The following SPATA6 variants were observed in gnomAD, a reference collection of about 807,000 sequenced individuals.
SPATA6 encodes the protein spermatogenesis-associated protein 6.
In SPATA6, 56 loss-of-function variants were observed where a neutral mutation model predicts 65.3. The ratio of observed to expected loss-of-function variants is 0.86; its 90% confidence interval spans 0.69 to 1.07. SPATA6 has a LOEUF of 1.07. Ranked by LOEUF, SPATA6 falls within the 50% of genes least tolerant of loss-of-function variation. SPATA6 has a pLI of 0.00. For missense variants in SPATA6, 590 were observed against 594.8 expected, an observed-to-expected ratio of 0.99 and a Z score of 0.08; for synonymous variants, 199 against 213.2, an observed-to-expected ratio of 0.93 and a Z score of 0.58.
intron 3 of SPATA6, among the ~76,000 whole-genome samples, chr1:48,420,141 T>C (rs770687219): frequency 7.9e-5 from 12 of 152,126 alleles, no homozygotes; most frequent in East Asian, 3.9e-4. Context: ...ATCATGCCTA[T>C]GTAATGATGC....
the SPATA6 span, among the ~76,000 whole-genome samples, chr1:48,290,208 GA>G: frequency 6.6e-6 from 1 of 152,158 alleles, no homozygotes; most frequent in Non-Finnish European, 1.5e-5. Flanking sequence ...CATTCTTAAA[GA>G]AAAGAATTTT....
rs193156439 is a variant in SPATA6, at chr1:48,308,832, G to A, written c.1195-2954C>T. ...TTATTGAGGAACACATTTATGTGAT[G>A]AATTCCTTCTCCCTTGCTGCTTTTA... On this transcript the variant is annotated intron_variant, in intron 11 of 12. Coordinates refer to ENST00000371847, the MANE Select transcript of SPATA6 (RefSeq NM_019073.4). Among the ~76,000 whole-genome samples, 410 of 152,176 alleles carry A rather than the reference G, an allele frequency of 2.7e-3. 1 individual carries two copies. The highest frequency in any genetic ancestry group is 6.9e-3 in the Admixed American group (106 of 15,268).
chr1:48,357,119 T>A (rs962365764), intron 10 of SPATA6, among the ~76,000 whole-genome samples: 1 of 152,178 alleles, frequency 6.6e-6, no homozygotes, highest in Non-Finnish European at 1.5e-5. Flanking sequence ...TGCTTGCCAG[T>A]CTAATTTCAT....
At chr1:48,453,666 T>C (rs1656777391) in intron 1 of SPATA6, among the ~76,000 whole-genome samples, 1 of 152,214 alleles carries the variant, frequency 6.6e-6, no homozygotes, top group Non-Finnish European at 1.5e-5. Context: ...TACTTTTTAC[T>C]TTAACTTATT....
intron 11 of SPATA6, among the ~76,000 whole-genome samples, chr1:48,310,601 A>G (rs1315699919): frequency 6.6e-6 from 1 of 152,164 alleles, no homozygotes; most frequent in Non-Finnish European, 1.5e-5. Flanking sequence ...AGGATTCTCT[A>G]GAGAAAACAG....
chr1:48,398,372 TATC>T (rs539278231), intron 7 of SPATA6, among the ~76,000 whole-genome samples: 115 of 151,752 alleles, frequency 7.6e-4, no homozygotes, highest in African/African-American at 2.6e-3. Context: ...TTTAAAAAGG[TATC>T]ATAAAGAAAA....
intron 6 of SPATA6, among the ~76,000 whole-genome samples, chr1:48,399,969 GCAAAC>G (rs143453043): frequency 0.95 from 144,572 of 151,764 alleles, 69,125 homozygotes; most frequent in Non-Finnish European, 1. Flanking sequence ...CTAAAAAAGT[GCAAAC>G]ATTGGTTACA....
intron 11 of SPATA6, among the ~76,000 whole-genome samples, chr1:48,355,125 A>C (rs1570267852): frequency 1.3e-5 from 2 of 152,232 alleles, no homozygotes; most frequent in East Asian, 3.9e-4. Context: ...ATTATTTCCC[A>C]GCTGTCATTT....
At chr1:48,353,630 C>T (rs1466459890) in intron 11 of SPATA6, among the ~76,000 whole-genome samples, 1 of 151,760 alleles carries the variant, frequency 6.6e-6, no homozygotes, top group African/African-American at 2.4e-5. Context: ...AATTAAAGTT[C>T]CATAATCCAT....
chr1:48,289,067 C>T, the SPATA6 span, among the ~76,000 whole-genome samples: 39 of 152,346 alleles, frequency 2.6e-4, no homozygotes, highest in Admixed American at 2.0e-3. Flanking sequence ...TTCCTGACCC[C>T]GAGTAGCCTA....
rs374356339 is a variant in SPATA6 at position 48,448,569 on chromosome 1, C to T, written c.238+2983G>A. Among the ~76,000 whole-genome samples, 9 of 152,032 alleles carry T rather than the reference C, an allele frequency of 5.9e-5. 1 individual carries two copies. Among genetic ancestry groups the T allele is most frequent in the African/African-American group, 2.2e-4 (9 of 41,476 alleles). On this transcript the variant is annotated intron_variant, in intron 3 of 12. Coordinates refer to ENST00000371847, the MANE Select transcript of SPATA6 (RefSeq NM_019073.4). ...TCTGAGCACACCCATATTCCCAGCA[C>T]ATATCCACATACTCATACCAACATG...
intron 1 of SPATA6, among the ~76,000 whole-genome samples, chr1:48,468,384 G>A (rs1367631259): frequency 6.6e-6 from 1 of 152,194 alleles, no homozygotes; most frequent in African/African-American, 2.4e-5. Flanking sequence ...CCTTTGAATT[G>A]TGGAGTAGTA....
Position 48,370,808 on chromosome 1 carries a change from A to C in SPATA6, c.910-11038T>G, listed in dbSNP as rs375309698. ...ATTATATATGAGGGATCTATGGCAG[A>C]AACAAATTGCAAACTCTCATAGCCC... On this transcript the variant is annotated intron_variant, in intron 9 of 12. Coordinates refer to ENST00000371847, the MANE Select transcript of SPATA6 (RefSeq NM_019073.4). 1.1e-4 allele frequency among the ~76,000 whole-genome samples: 17 copies of C among 152,344 alleles called. No individual in the cohort carries two copies. In the South Asian group the frequency reaches 3.5e-3, roughly 32 times the overall value.
intron 1 of SPATA6, among the ~76,000 whole-genome samples, chr1:48,460,102 C>T (rs979665145): frequency 2.6e-5 from 4 of 152,048 alleles, no homozygotes; most frequent in Non-Finnish European, 5.9e-5. Context: ...TCCCAAGTGG[C>T]TAAGACTACA....
At chr1:48,285,865 C>G in the SPATA6 span, among the ~76,000 whole-genome samples, 1 of 152,272 alleles carries the variant, frequency 6.6e-6, no homozygotes, top group Non-Finnish European at 1.5e-5. Flanking sequence ...GAGCTGCAGA[C>G]CAGAACTGTT....
chr1:48,374,791 T>C (rs893848591), intron 9 of SPATA6, among the ~76,000 whole-genome samples: 2 of 152,180 alleles, frequency 1.3e-5, no homozygotes, highest in Non-Finnish European at 2.9e-5. Flanking sequence ...CCTAAACTTT[T>C]ATATCACAAA....
At chr1:48,374,229 C>T (rs1379705422) in intron 9 of SPATA6, among the ~76,000 whole-genome samples, 1 of 151,714 alleles carries the variant, frequency 6.6e-6, no homozygotes, top group Non-Finnish European at 1.5e-5. Flanking sequence ...ATAAAAAAAT[C>T]CAAGAACATC....
At chr1:48,452,154 T>C (rs1656626676) in intron 2 of SPATA6, among the ~76,000 whole-genome samples, 5 of 152,046 alleles carry the variant, frequency 3.3e-5, no homozygotes, top group Admixed American at 2.6e-4. Flanking sequence ...TTTTCCCTTG[T>C]TTACCATGTG....
chr1:48,424,641 C>G (rs1041838297), intron 3 of SPATA6, among the ~76,000 whole-genome samples: 1 of 152,176 alleles, frequency 6.6e-6, no homozygotes, highest in African/African-American at 2.4e-5. Flanking sequence ...CACATCCTTA[C>G]CAGCATTTGT....
Sources: allele counts gnomAD v4.1 joint callset (sites outside exome capture counted in the v4.1 genomes callset), GRCh38; gene constraint gnomAD v4.1.1; transcripts MANE v1.5; gene names NCBI Gene and HGNC (gene_info 2026-07-23, HGNC 2026-07-21).